The following NRG1 variants were observed in gnomAD, a reference collection of about 807,000 sequenced individuals.
NRG1 encodes the protein pro-neuregulin-1, membrane-bound isoform.
NRG1 carries 18 observed loss-of-function variants against 63.8 expected under a neutral mutation model. The ratio of observed to expected loss-of-function variants is 0.28; its 90% CI spans 0.19 to 0.42. The LOEUF is 0.42. Ranked by LOEUF, NRG1 falls within the 10% of genes least tolerant of loss-of-function variation. The pLI is 1.00. For missense variants in NRG1, 762 were observed against 814.7 expected (o/e 0.94, Z 0.79); for synonymous variants, 302 against 301.3 (o/e 1.00, Z -0.02).
intron 1 of NRG1, among the ~76,000 whole-genome samples, chr8:31,766,424 G>T (rs1818066257): frequency 6.6e-6 from 1 of 152,126 alleles, no homozygotes; most frequent in African/African-American, 2.4e-5. Context: ...GTTTTGGGGT[G>T]GGATTAAGAG....
At chr8:32,339,666 G>T (rs1685117) in intron 1 of NRG1, among the ~76,000 whole-genome samples, 22,577 of 152,098 alleles carry the variant, frequency 0.15, 2,471 homozygotes, top group East Asian at 0.58. Flanking sequence ...ACCAATTTAT[G>T]AAATGGGCAT....
In NRG1 at chr8:31,841,468, G is replaced by T. The variant is rs182368066; in HGVS notation, c.37+202037G>T. On this transcript the variant is annotated intron_variant, in intron 1 of 10. Transcript: ENST00000519301. ...TTTGTACCTCTGCAAGATTTTTCTG[G>T]CAGAGACATGGAAAATGGTTTAGAA... 9.9e-5 allele frequency among the ~76,000 whole-genome samples: 15 copies of T among 152,176 alleles called. No homozygotes were observed. In the East Asian group the frequency reaches 2.7e-3, roughly 27 times the overall value.
At chr8:31,806,694 A>G (rs1822322341) in intron 1 of NRG1, among the ~76,000 whole-genome samples, 2 of 152,180 alleles carry the variant, frequency 1.3e-5, no homozygotes, top group Admixed American at 1.3e-4. Flanking sequence ...CATATTATAA[A>G]GTGTAATAAT....
intron 1 of NRG1, among the ~76,000 whole-genome samples, chr8:31,644,991 C>T (rs1317479119): frequency 2.0e-5 from 3 of 151,978 alleles, no homozygotes; most frequent in East Asian, 1.9e-4. Context: ...AATTTGTTAC[C>T]ACCCCAAAAT....
intron 1 of NRG1, among the ~76,000 whole-genome samples, chr8:31,858,603 C>A (rs771360379): frequency 6.6e-6 from 1 of 152,154 alleles, no homozygotes; most frequent in South Asian, 2.1e-4. Context: ...CAAAGCCAAA[C>A]TTACACCAAA....
At chr8:32,573,039 G>GT (rs1379612487) in intron 1 of NRG1, among the ~76,000 whole-genome samples, 7 of 152,084 alleles carry the variant, frequency 4.6e-5, no homozygotes, top group Admixed American at 6.5e-5. Context: ...AACATTTATC[G>GT]TAAGTATATC....
At chr8:32,573,607 T>C (rs1470508027) in intron 1 of NRG1, among the ~76,000 whole-genome samples, 1 of 152,182 alleles carries the variant, frequency 6.6e-6, no homozygotes, top group Non-Finnish European at 1.5e-5. Context: ...TTCTTAGAAC[T>C]ATGTATTTGG....
rs552043815 is a variant in NRG1 at position 32,275,703 on chromosome 8, C to T, written c.38-320125C>T. 2.0e-5 allele frequency among the ~76,000 whole-genome samples: 3 copies of T among 152,220 alleles called. No individual in the cohort carries two copies. In the South Asian group the frequency reaches 6.2e-4, roughly 32 times the overall value. ...ATTATGGAGGACTGAGTTTCTCAAA[C>T]TCCAGTGTCTGCGCAAATCCCCCAG... is the stretch of plus-strand genomic sequence containing the variant. On this transcript the variant is annotated intron_variant, in intron 1 of 10. Transcript: ENST00000519301.
chr8:32,367,244 C>A (rs1808190366), intron 1 of NRG1, among the ~76,000 whole-genome samples: 1 of 152,306 alleles, frequency 6.6e-6, no homozygotes, highest in East Asian at 1.9e-4. Flanking sequence ...TACTAATTTA[C>A]ATTACCACCA....
intron 1 of NRG1, among the ~76,000 whole-genome samples, chr8:32,411,815 T>C (rs941789271): frequency 6.6e-6 from 1 of 152,238 alleles, no homozygotes; most frequent in African/African-American, 2.4e-5. Flanking sequence ...CTGAAACGTG[T>C]ACATATTCTT....
chr8:32,309,212 C>T (rs1368554469), intron 1 of NRG1, among the ~76,000 whole-genome samples: 2 of 152,068 alleles, frequency 1.3e-5, no homozygotes, highest in African/African-American at 2.4e-5. Context: ...CTTACCAGGG[C>T]GAGAAAATAG....
intron 1 of NRG1, among the ~76,000 whole-genome samples, chr8:32,062,414 T>G (rs1824042201): frequency 6.6e-6 from 1 of 152,058 alleles, no homozygotes; most frequent in Admixed American, 6.6e-5. Flanking sequence ...ACTAGTTTTG[T>G]TTAGCTTTAT....
intron 1 of NRG1, among the ~76,000 whole-genome samples, chr8:31,834,307 GCACA>G (rs1554547024): frequency 1.3e-4 from 16 of 119,430 alleles, no homozygotes; most frequent in Non-Finnish European, 2.3e-4. Context: ...GCGCACGCGC[GCACA>G]CACACACACA....
chr8:31,683,785 T>C (rs1273924453), intron 1 of NRG1, among the ~76,000 whole-genome samples: 1 of 152,054 alleles, frequency 6.6e-6, no homozygotes, highest in Admixed American at 6.6e-5. Flanking sequence ...AAGCTGTGCA[T>C]GTGGGTGGGG....
chr8:32,470,914 T>C (rs539454316), intron 1 of NRG1, among the ~76,000 whole-genome samples: 8 of 152,180 alleles, frequency 5.3e-5, no homozygotes, highest in African/African-American at 1.9e-4. Context: ...TTTCCCGCCT[T>C]ACCTTCCTGA....
intron 1 of NRG1, among the ~76,000 whole-genome samples, chr8:31,890,267 T>C (rs561457867): frequency 1.3e-5 from 2 of 152,328 alleles, no homozygotes; most frequent in South Asian, 4.1e-4. Context: ...TTTCAAGATA[T>C]CTACCTTGGT....
Position 31,845,506 on chromosome 8 carries a change from C to T in NRG1, c.37+206075C>T, listed in dbSNP as rs188336005. Reference sequence around the variant, plus strand: ...TCCTGAAATGTGGAGGAGGTTTTTGCAAGTGGTTGTAGCCTGGTTTTGAAT... The same window carrying T: ...TCCTGAAATGTGGAGGAGGTTTTTGTAAGTGGTTGTAGCCTGGTTTTGAAT... On this transcript the variant is annotated intron_variant, in intron 1 of 10. Transcript: ENST00000519301. Among the ~76,000 whole-genome samples the T allele has an allele frequency of 7.9e-5, 12 of 152,074 alleles. No individual in the cohort carries two copies. In the East Asian group the frequency reaches 1.6e-3, roughly 20 times the overall value.
intron 1 of NRG1, among the ~76,000 whole-genome samples, chr8:32,484,469 T>C (rs770022291): frequency 2.0e-5 from 3 of 152,234 alleles, no homozygotes; most frequent in Admixed American, 6.5e-5. Flanking sequence ...GAAGTTGACA[T>C]GGGCTTTGAT....
chr8:32,318,323 T>G (rs1209442432), intron 1 of NRG1, among the ~76,000 whole-genome samples: 1 of 152,202 alleles, frequency 6.6e-6, no homozygotes, highest in East Asian at 1.9e-4. Context: ...TATTGTATAT[T>G]TGATGACAGT....
Sources: gnomAD v4.1 joint callset for allele counts (sites outside exome capture counted in the v4.1 genomes callset) on GRCh38, gnomAD v4.1.1 for gene constraint, MANE v1.5 for transcripts, NCBI Gene and HGNC (gene_info 2026-07-23, HGNC 2026-07-21) for gene names.